The following ATRNL1 variants were observed in gnomAD, a reference collection of about 807,000 sequenced individuals.
ATRNL1 encodes the protein attractin like 1, also known as attractin-like protein 1.
A neutral mutation model predicts 182.7 loss-of-function variants in ATRNL1; 95 were observed. The observed-to-expected ratio is 0.52, with a 90% CI of 0.44 to 0.62. ATRNL1 has a LOEUF of 0.62. Ranked by LOEUF, ATRNL1 falls within the 20% of genes least tolerant of loss-of-function variation. ATRNL1 has a pLI of 0.00. For synonymous variants in ATRNL1, 576 were observed against 568.3 expected (o/e 1.01, Z -0.19); for missense variants, 1,471 against 1,679.5 (o/e 0.88, Z 2.17).
chr10:115,270,813 T>A (rs1303358107), intron 13 of ATRNL1, among the ~76,000 whole-genome samples: 1 of 152,170 alleles, frequency 6.6e-6, no homozygotes, highest in Non-Finnish European at 1.5e-5. Context: ...TAGCCTAATA[T>A]GTGTCCACCC....
At chr10:115,867,617 C>T (rs782006764) in intron 28 of ATRNL1, among the ~76,000 whole-genome samples, 11 of 152,138 alleles carry the variant, frequency 7.2e-5, no homozygotes, top group Admixed American at 3.9e-4. Context: ...TGTCTTGTGC[C>T]GCTTCCATCT....
chr10:115,098,028 A>G (rs531351369), intron 1 of ATRNL1, among the ~76,000 whole-genome samples: 1 of 152,378 alleles, frequency 6.6e-6, no homozygotes, highest in East Asian at 1.9e-4. Context: ...GGAAACTGAC[A>G]GTAATTATAA....
chr10:115,897,411 A>G (rs765369832), intron 28 of ATRNL1, among the ~76,000 whole-genome samples: 23 of 152,316 alleles, frequency 1.5e-4, no homozygotes, highest in Middle Eastern at 3.4e-3. Flanking sequence ...AGATATTTGA[A>G]GAAGTATTCA....
intron 26 of ATRNL1, among the ~76,000 whole-genome samples, chr10:115,564,617 A>C (rs1476099842): frequency 1.3e-5 from 2 of 151,918 alleles, no homozygotes; most frequent in Non-Finnish European, 2.9e-5. Context: ...TATACCTTGT[A>C]CATGTTTTCA....
At chr10:115,112,240 C>T (rs1249049605) in intron 1 of ATRNL1, among the ~76,000 whole-genome samples, 1 of 152,134 alleles carries the variant, frequency 6.6e-6, no homozygotes, top group Non-Finnish European at 1.5e-5. Flanking sequence ...AAGTAATCCA[C>T]AGATTCTATG....
intron 20 of ATRNL1, among the ~76,000 whole-genome samples, chr10:115,415,521 G>A (rs572860576): frequency 1.3e-5 from 2 of 148,810 alleles, no homozygotes; most frequent in Non-Finnish European, 3.0e-5. Context: ...TTTTTGCTAT[G>A]CAGCTTTCTT....
chr10:115,294,106 A>G (rs1271595832), intron 15 of ATRNL1, among the ~76,000 whole-genome samples: 3 of 152,214 alleles, frequency 2.0e-5, no homozygotes, highest in African/African-American at 4.8e-5. Flanking sequence ...GGTTTTCACT[A>G]AATGTTTCTT....
intron 5 of ATRNL1, among the ~76,000 whole-genome samples, chr10:115,149,291 A>G (rs1846110342): frequency 6.6e-6 from 1 of 152,126 alleles, no homozygotes; most frequent in African/African-American, 2.4e-5. Context: ...CACAGCTTCC[A>G]GCATTCCAGC....
intron 5 of ATRNL1, among the ~76,000 whole-genome samples, chr10:115,158,482 A>G (rs1846627512): frequency 6.6e-6 from 1 of 152,088 alleles, no homozygotes; most frequent in African/African-American, 2.4e-5. Flanking sequence ...TTACTAAGGA[A>G]TAGTTCACAG....
intron 8 of ATRNL1, among the ~76,000 whole-genome samples, chr10:115,203,174 C>T (rs1246121956): frequency 2.6e-5 from 4 of 151,898 alleles, no homozygotes; most frequent in Admixed American, 2.6e-4. Flanking sequence ...GTTCAAAAGC[C>T]CTAACAATGA....
At chr10:115,563,543 T>C (rs1405042417) in intron 26 of ATRNL1, among the ~76,000 whole-genome samples, 2 of 152,138 alleles carry the variant, frequency 1.3e-5, no homozygotes, top group African/African-American at 4.8e-5. Flanking sequence ...ATATATAAAG[T>C]TTCTTCTCAT....
chr10:115,290,625 C>T (rs1852854524), intron 15 of ATRNL1, among the ~76,000 whole-genome samples: 1 of 152,132 alleles, frequency 6.6e-6, no homozygotes, highest in Non-Finnish European at 1.5e-5. Flanking sequence ...CATTGCACCC[C>T]AGCCTGGGTG....
At chr10:115,293,386 A>G (rs1853015631) in intron 15 of ATRNL1, among the ~76,000 whole-genome samples, 1 of 152,020 alleles carries the variant, frequency 6.6e-6, no homozygotes, top group African/African-American at 2.4e-5. Context: ...ATTCCTATCA[A>G]TTTATTGGTT....
chr10:115,637,368 G>A (rs1328263485), intron 26 of ATRNL1, among the ~76,000 whole-genome samples: 5 of 151,842 alleles, frequency 3.3e-5, no homozygotes, highest in African/African-American at 1.2e-4. Flanking sequence ...AACCTGAAGG[G>A]TAATATATGC....
intron 27 of ATRNL1, among the ~76,000 whole-genome samples, chr10:115,817,433 A>C (rs1555088959): frequency 6.6e-6 from 1 of 152,128 alleles, no homozygotes; most frequent in Non-Finnish European, 1.5e-5. Context: ...TTTATTAAGC[A>C]CTAAGTATAA....
chr10:115,922,885 G>T (rs1378964618), intron 28 of ATRNL1, among the ~76,000 whole-genome samples: 1 of 152,044 alleles, frequency 6.6e-6, no homozygotes, highest in Non-Finnish European at 1.5e-5. Flanking sequence ...GGGATCAAAA[G>T]AATTTAGAAT....
At chr10:115,318,787 T>C (rs1399031904) in intron 18 of ATRNL1, among the ~76,000 whole-genome samples, 1 of 152,118 alleles carries the variant, frequency 6.6e-6, no homozygotes, top group Non-Finnish European at 1.5e-5. Context: ...CTTTATTTTC[T>C]TCTTTATTAG....
intron 8 of ATRNL1, among the ~76,000 whole-genome samples, chr10:115,200,639 T>C (rs1375564040): frequency 7.1e-5 from 10 of 140,038 alleles, no homozygotes; most frequent in Middle Eastern, 3.5e-3. Context: ...GTTGGACATT[T>C]GGGTTGGTTC....
At chr10:115,805,379 A>G (rs782591960) in intron 27 of ATRNL1, among the ~76,000 whole-genome samples, 2 of 152,180 alleles carry the variant, frequency 1.3e-5, no homozygotes, top group Non-Finnish European at 2.9e-5. Flanking sequence ...CCACTTCTGC[A>G]GGTCCATTCT....
Sources: allele counts gnomAD v4.1 joint callset (sites outside exome capture counted in the v4.1 genomes callset), GRCh38; gene constraint gnomAD v4.1.1; transcripts MANE v1.5; gene names NCBI Gene and HGNC (gene_info 2026-07-23, HGNC 2026-07-21).